The following PRKD2 variants were observed in gnomAD, a reference collection of about 807,000 sequenced individuals.
PRKD2 encodes the protein serine/threonine-protein kinase D2.
PRKD2 carries 22 observed loss-of-function variants against 86.0 expected under a neutral mutation model. The observed-to-expected ratio is 0.26, with a 90% CI of 0.18 to 0.37. PRKD2 has a LOEUF of 0.37. Ranked by LOEUF, PRKD2 falls within the 10% of genes least tolerant of loss-of-function variation. The pLI is 1.00. For missense variants in PRKD2, 818 were observed against 1,199.2 expected (o/e 0.68, Z 4.70); for synonymous variants, 509 against 510.9 (o/e 1.00, Z 0.05).
rs1468714265 is a variant in PRKD2, at chr19:46,700,921, G to T, written c.999C>A (p.Ser333Arg). The change falls in exon 7 of 18, where the codon AGC becomes AGA. Residue 333 changes from serine (S) to arginine (R), a missense_variant. Ser to Arg is a moderately radical substitution (Grantham distance 110). Around this residue, in one of 5 missense-constraint regions of PRKD2, gnomAD observed 403 missense variants for 518.6 expected, o/e 0.78. Coordinates refer to ENST00000291281, the MANE Select transcript of PRKD2 (RefSeq NM_016457.5). Reference sequence around the variant, plus strand: ...CCATGAGGGCGCTCTTGTCAGCCTCGCTGAAATCGGTGGCCTCCTCCATCG... The same window carrying T: ...CCATGAGGGCGCTCTTGTCAGCCTCTCTGAAATCGGTGGCCTCCTCCATCG... ...DVPMEEATDF[S>R]EADKSALMDE... 9 of 1,614,098 alleles carry T rather than the reference G, an allele frequency of 5.6e-6. No homozygotes were observed. In the Admixed American group the frequency reaches 1.3e-4, roughly 24 times the overall value.
chr19:46,711,463 G>A (rs948979999), intron 2 of PRKD2, among the ~76,000 whole-genome samples: 2 of 150,768 alleles, frequency 1.3e-5, no homozygotes, highest in Admixed American at 1.3e-4. Flanking sequence ...GTGAGATCTC[G>A]GCTCACCACA....
Position 46,714,477 on chromosome 19 carries a change from T to TTGG in PRKD2, c.241-477_241-476insCCA, listed in dbSNP as rs1555832999. The TTGG allele has an allele frequency of 1.8e-3, 72 of 40,952 alleles. 7 individuals are homozygous for TTGG. The highest frequency in any genetic ancestry group is 4.8e-3 in the African/African-American group (70 of 14,664). The allele number at this position is 40,952 out of a possible 1,614,324, so 2.5% of individuals were successfully genotyped here. Reference sequence around the variant, plus strand: ...GGACTTTTCGGGGCTCCTGGGAAAGTGGGGGGGGGGGCCGGGGGACTTGGA... The same window carrying TTGG: ...GGACTTTTCGGGGCTCCTGGGAAAGTTGGGGGGGGGGGGGCCGGGGGACTTGGA... On this transcript the variant is annotated intron_variant, in intron 1 of 17. Transcript: ENST00000291281.
chr19:46,676,924 G>A (rs73563509), intron 16 of PRKD2, among the ~76,000 whole-genome samples: 4,908 of 152,084 alleles, frequency 0.032, 257 homozygotes, highest in African/African-American at 0.11. Flanking sequence ...AGCCAGGCAT[G>A]GTGCTGTGTG....
rs545469815 is a variant in PRKD2, at chr19:46,690,594, G to A, written c.1809+6C>T. The A allele has an allele frequency of 2.6e-5, 42 of 1,613,860 alleles. 1 individual carries two copies. Among genetic ancestry groups the A allele is most frequent in the Middle Eastern group, 3.3e-4 (2 of 6,054 alleles). The stretch of plus-strand genomic sequence containing the variant: ...AAGCAGAAAGGGAAGGCGGCCTGGT[G>A]GTTACCTGCAGAATGGCCACTTCAT... On this transcript the variant is annotated splice_donor_region_variant and intron_variant, in intron 13 of 17. Coordinates refer to ENST00000291281, the MANE Select transcript of PRKD2 (RefSeq NM_016457.5).
At chr19:46,681,001 T>C (rs1324955160) in intron 15 of PRKD2, among the ~76,000 whole-genome samples, 1 of 144,278 alleles carries the variant, frequency 6.9e-6, no homozygotes, top group Non-Finnish European at 1.5e-5. Flanking sequence ...TCACCCAGGC[T>C]GGAGTGCAGT....
chr19:46,695,803 C>T (rs2053549118), intron 9 of PRKD2, among the ~76,000 whole-genome samples: 1 of 151,916 alleles, frequency 6.6e-6, no homozygotes, highest in East Asian at 1.9e-4. Flanking sequence ...GACATGGACA[C>T]GTCGGGGGGG....
Position 46,716,045 on chromosome 19 carries a change from T to C in PRKD2, c.240+86A>G. The C allele has an allele frequency of 6.5e-7, 1 of 1,534,656 alleles. No individual in the cohort carries two copies. ...AAGCTCAGGTCTCCTTCCTCCCTCT[T>C]CCGCACACCAGGCCCCAGACCCCTC... On this transcript the variant is annotated intron_variant, in intron 1 of 17. Transcript: ENST00000291281. The surrounding 1 kb of genome is among the most constrained non-coding windows in gnomAD (Gnocchi z 7.9).
In PRKD2 at chr19:46,678,879, A is replaced by G. The variant is rs911114673; in HGVS notation, c.2071-216T>C. On this transcript the variant is annotated intron_variant, in intron 15 of 17. Coordinates refer to ENST00000291281, the MANE Select transcript of PRKD2 (RefSeq NM_016457.5). This position sits in a 1 kb window ranked among gnomAD's most constrained non-coding sequence, Gnocchi z 5.7. ...TAGGAAGAAGAGCAGAAGAGCACCT[A>G]TCTCAGAGGACTGCCATGATGGTTA... Among the ~76,000 whole-genome samples, 1 of 152,138 alleles carries G rather than the reference A, an allele frequency of 6.6e-6. No individual in the cohort carries two copies. The highest frequency in any genetic ancestry group is 6.5e-5 in the Admixed American group (1 of 15,268).
intron 3 of PRKD2, among the ~76,000 whole-genome samples, chr19:46,708,911 C>T (rs988922615): frequency 1.3e-5 from 2 of 150,388 alleles, no homozygotes; most frequent in African/African-American, 4.9e-5. Flanking sequence ...CTTGGCTAGG[C>T]GAGATCCACA....
chr19:46,692,380 T>C (rs1258523429), intron 10 of PRKD2, among the ~76,000 whole-genome samples: 4 of 151,854 alleles, frequency 2.6e-5, no homozygotes, highest in African/African-American at 9.7e-5. Flanking sequence ...CTTGAACTTT[T>C]CCCCCTACAA....
chr19:46,706,974 C>T (rs1372921020), intron 3 of PRKD2, among the ~76,000 whole-genome samples: 3 of 150,532 alleles, frequency 2.0e-5, no homozygotes, highest in African/African-American at 4.9e-5. Context: ...CTCACTGCAA[C>T]CTCCACCCCC....
chr19:46,700,845 G>A lies in PRKD2; in HGVS notation c.1075C>T (p.Leu359Phe), dbSNP rs1278962843. Residue 359 changes from leucine (L) to phenylalanine (F), a missense_variant, in exon 7 of 18, where the codon CTC becomes TTC. Leu to Phe is a conservative substitution (Grantham distance 22). Coordinates refer to ENST00000291281, the MANE Select transcript of PRKD2 (RefSeq NM_016457.5). ...VIPGSHSENA[L>F]HASEEEEGEG... is the part of the protein sequence containing the mutation. ...CCTTCCTCCTCCTCACTGGCGTGGAGCGCATTCTCTGAGTGGGAGCCAGGG... is the reference window on the plus strand; with the variant it reads ...CCTTCCTCCTCCTCACTGGCGTGGAACGCATTCTCTGAGTGGGAGCCAGGG... 1.2e-6 allele frequency: 2 copies of A among 1,614,254 alleles called. No individual in the cohort carries two copies. The highest frequency in any genetic ancestry group is 1.7e-5 in the Admixed American group (1 of 60,032).
At chr19:46,675,516 T>C (rs1354358758) in intron 16 of PRKD2, among the ~76,000 whole-genome samples, 7 of 152,186 alleles carry the variant, frequency 4.6e-5, no homozygotes, top group Non-Finnish European at 8.8e-5. Flanking sequence ...CGATCTTGGC[T>C]CACTGCAACC....
chr19:46,710,806 C>G, intron 3 of PRKD2, 101 bp downstream of exon 3: 1 of 1,291,584 alleles, frequency 7.7e-7, no homozygotes, highest in Non-Finnish European at 1.0e-6. Context: ...GCTCTGAGAC[C>G]CGCTCCTCCT....
intron 7 of PRKD2, 40 bp downstream of exon 7, chr19:46,700,759 G>A (rs1312363007): frequency 1.9e-6 from 3 of 1,593,374 alleles, no homozygotes; most frequent in Middle Eastern, 1.7e-4. Context: ...CTGTGCAGGA[G>A]GGTCTTCCCC....
At position 46,697,333 on chromosome 19, in the gene PRKD2, G is replaced by A. The variant is rs1263964557; in HGVS notation, c.1240-99C>T. On this transcript the variant is annotated intron_variant, in intron 8 of 17. Coordinates refer to ENST00000291281, the MANE Select transcript of PRKD2 (RefSeq NM_016457.5). ...GGGCTCCAGGTGCCTGGAGCACCAC[G>A]TGCACGCCGTAACTCTAGCACCTAC... is the stretch of plus-strand genomic sequence containing the variant. 4.6e-6 allele frequency: 4 copies of A among 866,618 alleles called. No individual in the cohort carries two copies. The Admixed American group carries it at 9.2e-5, about 20-fold the overall frequency. 53.7% of individuals were successfully genotyped at this position (866,618 alleles called of 1,614,324 possible). A position where few individuals can be genotyped will look rare whatever the true frequency, so the allele number is the denominator to read the frequency against.
At chr19:46,680,807 C>T (rs567190985) in intron 15 of PRKD2, among the ~76,000 whole-genome samples, 101 of 146,900 alleles carry the variant, frequency 6.9e-4, no homozygotes, top group African/African-American at 2.4e-3. Context: ...GGTCTCAAGC[C>T]GTCTTCCCAT....
chr19:46,689,728 A>G (rs748094017), intron 13 of PRKD2, 30 bp from the exon 14 acceptor site: 2 of 1,612,934 alleles, frequency 1.2e-6, no homozygotes, highest in South Asian at 1.1e-5. Context: ...GTCAGGGCCC[A>G]GGTAACCCAC....
chr19:46,716,185 G>T lies in PRKD2; in HGVS notation c.186C>A (p.Ala62=). 6.2e-7 allele frequency: 1 copy of T among 1,611,386 alleles called. No homozygotes were observed. The highest frequency in any genetic ancestry group is 8.5e-7 in the Non-Finnish European group (1 of 1,179,372). Residue 62 remains alanine (A), a synonymous_variant, in exon 1 of 18, where the codon GCC becomes GCA. Transcript: ENST00000291281. The surrounding 1 kb of genome is among the most constrained non-coding windows in gnomAD (Gnocchi z 7.9). The part of the protein sequence containing the change: ...GLTREFVLLP[A]ASELAHVKQL... ...GCTTCACATGAGCCAGCTCGGAGGC[G>T]GCGGGCAACAGCACGAACTCGCGGG... is the stretch of plus-strand genomic sequence containing the variant.
Sources: allele counts gnomAD v4.1 joint callset (sites outside exome capture counted in the v4.1 genomes callset), GRCh38; gene constraint gnomAD v4.1.1; regional missense constraint gnomAD v4.1.1; non-coding constraint Gnocchi (gnomAD v3.1); transcripts MANE v1.5; gene names NCBI Gene and HGNC (gene_info 2026-07-23, HGNC 2026-07-21).